Variants in SFMBT1 observed in about 807,000 individuals in gnomAD.
SFMBT1 encodes Scm like with four mbt domains 1.
A neutral mutation model predicts 108.7 loss-of-function variants in SFMBT1; 32 were observed. That is an observed-to-expected ratio of 0.29 (90% CI 0.22 to 0.40). SFMBT1 has a LOEUF of 0.40. Among genes scored for constraint, SFMBT1 ranks in the 10% least tolerant of loss-of-function variants. The pLI is 1.00. For synonymous variants in SFMBT1, 348 were observed against 369.5 expected (o/e 0.94, Z 0.67); for missense variants, 816 against 1,059.6 (o/e 0.77, Z 3.19).
rs780905490 is a variant in SFMBT1, at chr3:52,934,895, C to T, written c.371G>A (p.Arg124Lys). 4 of 1,612,478 alleles carry T rather than the reference C, an allele frequency of 2.5e-6. No homozygotes were observed. Among genetic ancestry groups the T allele is most frequent in the Non-Finnish European group, 3.4e-6 (4 of 1,179,214 alleles). ...CTCATCCCAGTCAGATACTTTATCT[C>T]TGATGCCTAGATGAGGGAATAAATG... is the stretch of plus-strand genomic sequence containing the variant. ...KKTLEAPEGI[R>K]DKVSDWDEFL... Residue 124 changes from arginine to lysine, a missense_variant, in exon 5 of 21, where the codon AGA becomes AAA. Around this residue, in one of 5 missense-constraint regions of SFMBT1, gnomAD observed 495 missense variants for 607.4 expected, o/e 0.81. Transcript: ENST00000394752.
chr3:52,931,069 T>C (rs1240426609), intron 6 of SFMBT1, 34 bp from the exon 7 acceptor site: 5 of 1,574,734 alleles, frequency 3.2e-6, no homozygotes, highest in Non-Finnish European at 4.4e-6. Flanking sequence ...CTTTAGATGA[T>C]GAGAAACTTA....
chr3:53,000,919 T>C (rs1698525600), intron 1 of SFMBT1, among the ~76,000 whole-genome samples: 1 of 149,874 alleles, frequency 6.7e-6, no homozygotes, highest in Non-Finnish European at 1.5e-5. Context: ...ATGCTTAAAA[T>C]GAAAAAAAAT....
intron 13 of SFMBT1, among the ~76,000 whole-genome samples, chr3:52,916,974 A>T (rs965575868): frequency 6.6e-6 from 1 of 151,506 alleles, no homozygotes; most frequent in African/African-American, 2.4e-5. Context: ...TATGTTATTT[A>T]AAAAAAAACA....
chr3:52,954,322 T>C lies in SFMBT1; in HGVS notation c.118A>G (p.Lys40Glu). The C allele has an allele frequency of 6.2e-7, 1 of 1,610,766 alleles. No homozygotes were observed. Among genetic ancestry groups the C allele is most frequent in the South Asian group, 1.1e-5 (1 of 90,576 alleles). Residue 40 changes from lysine (K) to glutamate (E), a missense_variant, in exon 3 of 21, where the codon AAA (lysine) becomes GAA (glutamate). By Grantham distance (56) the Lys-to-Glu change is moderately conservative. Coordinates refer to ENST00000394752, the MANE Select transcript of SFMBT1 (RefSeq NM_016329.4). ...GSTAVPYGSF[K>E]HVDTRLQNGF... ...CAAATATAGTTATTGCTTACATGTT[T>C]AAAAGACCCATAGGGAACTGCTGTG...
chr3:52,980,546 T>C (rs1704674658), intron 1 of SFMBT1, among the ~76,000 whole-genome samples: 1 of 151,414 alleles, frequency 6.6e-6, no homozygotes, highest in Admixed American at 6.6e-5. Flanking sequence ...AAAGAAGTGG[T>C]GACATTATAA....
rs542416278 is a variant in SFMBT1 at position 53,029,974 on chromosome 3, T to A, written c.-131+15842A>T. Among the ~76,000 whole-genome samples the A allele has an allele frequency of 1.6e-4, 25 of 152,272 alleles. 1 individual carries two copies. The highest frequency in any genetic ancestry group is 4.6e-4 in the African/African-American group (19 of 41,552). On this transcript the variant is annotated intron_variant, in intron 1 of 20. Coordinates refer to ENST00000394752, the MANE Select transcript of SFMBT1 (RefSeq NM_016329.4). ...AGAAAAAAAAACACTTTTAAGTGTT[T>A]AGTATTAGAAATACTAACTTAGAAA...
chr3:53,034,131 C>T (rs1396635994), intron 1 of SFMBT1, among the ~76,000 whole-genome samples: 2 of 128,848 alleles, frequency 1.6e-5, no homozygotes, highest in Non-Finnish European at 3.0e-5. Flanking sequence ...TTATCAGGTA[C>T]TTCTTTTTAA....
At chr3:53,030,368 G>C (rs1378678953) in intron 1 of SFMBT1, among the ~76,000 whole-genome samples, 1 of 151,850 alleles carries the variant, frequency 6.6e-6, no homozygotes, top group Non-Finnish European at 1.5e-5. Flanking sequence ...AAGGGACTGA[G>C]GAACTAGGGG....
intron 1 of SFMBT1, among the ~76,000 whole-genome samples, chr3:53,012,404 T>C (rs1283979134): frequency 7.0e-6 from 1 of 142,742 alleles, no homozygotes; most frequent in Non-Finnish European, 1.6e-5. Context: ...GTGAGTGCTC[T>C]TTTTTTTTTT....
intron 10 of SFMBT1, among the ~76,000 whole-genome samples, chr3:52,925,687 T>C (rs994005117): frequency 3.8e-4 from 58 of 152,350 alleles, no homozygotes; most frequent in African/African-American, 1.3e-3. Context: ...ATGTATTATT[T>C]GGATAGAAGA....
chr3:52,905,649 T>C (rs1442606593), intron 20 of SFMBT1, among the ~76,000 whole-genome samples: 1 of 152,230 alleles, frequency 6.6e-6, no homozygotes, highest in Non-Finnish European at 1.5e-5. Flanking sequence ...TTCAATGTTT[T>C]CCTACTCTGT....
chr3:52,911,352 A>G (rs534968538), intron 16 of SFMBT1, among the ~76,000 whole-genome samples, 174 bp from the exon 17 acceptor site: 3 of 152,352 alleles, frequency 2.0e-5, no homozygotes, highest in Middle Eastern at 3.4e-3. Flanking sequence ...ACTTAAATCA[A>G]ATTAAATCTG....
intron 2 of SFMBT1, among the ~76,000 whole-genome samples, chr3:52,968,600 CTTTT>C (rs5848970): frequency 2.4e-5 from 3 of 127,592 alleles, no homozygotes; most frequent in African/African-American, 2.8e-5. Flanking sequence ...AAAACAGTTT[CTTTT>C]TTTTTTTTTT....
chr3:52,912,399 T>G lies in SFMBT1; in HGVS notation c.1730+139A>C, dbSNP rs1255909277. 8.6e-6 allele frequency: 5 copies of G among 583,920 alleles called. No homozygotes were observed. In the African/African-American group the frequency reaches 9.4e-5, roughly 11 times the overall value. The allele number at this position is 583,920 out of a possible 1,614,324, so 36.2% of individuals were successfully genotyped here. On this transcript the variant is annotated intron_variant, in intron 16 of 20. Coordinates refer to ENST00000394752, the MANE Select transcript of SFMBT1 (RefSeq NM_016329.4). ...TTCATCATGTTGACCAGGCTGGTCT[T>G]GAACTCCTGACCTTGTGATCCGCCC... is the stretch of plus-strand genomic sequence containing the variant.
At position 52,923,588 on chromosome 3, in the gene SFMBT1, G is replaced by A. The variant is rs1322702333; in HGVS notation, c.1132-1757C>T. On this transcript the variant is annotated intron_variant, in intron 10 of 20. Transcript: ENST00000394752. Reference sequence around the variant, plus strand: ...AAAAAAAAAGAAAGAAAGAACAAACGAACGAACTATTCAGAGTTCCAGAAA... The same window carrying A: ...AAAAAAAAAGAAAGAAAGAACAAACAAACGAACTATTCAGAGTTCCAGAAA... Among the ~76,000 whole-genome samples, 14 of 150,816 alleles carry A rather than the reference G, an allele frequency of 9.3e-5. No homozygotes were observed. The East Asian group carries it at 2.1e-3, about 23-fold the overall frequency.
In SFMBT1 at chr3:53,028,786, G is replaced by A. The variant is rs540066499; in HGVS notation, c.-131+17030C>T. Among the ~76,000 whole-genome samples, 7 of 152,268 alleles carry A rather than the reference G, an allele frequency of 4.6e-5. 1 individual carries two copies. The South Asian group carries it at 1.5e-3, about 32-fold the overall frequency. The stretch of plus-strand genomic sequence containing the variant: ...ACGCCCAGTCTAGCACTCGTGGCTG[G>A]GAACCCTTGCAGGGAAGTGCACAAG... On this transcript the variant is annotated intron_variant, in intron 1 of 20. Transcript: ENST00000394752.
chr3:52,954,608 G>A (rs1302491207), intron 2 of SFMBT1, among the ~76,000 whole-genome samples, 197 bp from the exon 3 acceptor site: 1 of 152,064 alleles, frequency 6.6e-6, no homozygotes, highest in Non-Finnish European at 1.5e-5. Flanking sequence ...GATTGTCAAC[G>A]AATCTTCACA....
At chr3:52,930,848 G>C in intron 7 of SFMBT1, 93 bp downstream of exon 7, 1 of 958,770 alleles carries the variant, frequency 1.0e-6, no homozygotes, top group East Asian at 2.5e-5. Context: ...CATTCTTACC[G>C]ACTGCAGGGG....
At chr3:52,919,817 C>T (rs1160435672) in intron 12 of SFMBT1, among the ~76,000 whole-genome samples, 2 of 152,182 alleles carry the variant, frequency 1.3e-5, no homozygotes, top group African/African-American at 4.8e-5. Context: ...GGAGCTCAGG[C>T]CCTCAGTCCA....
Sources: gnomAD v4.1 joint callset for allele counts (sites outside exome capture counted in the v4.1 genomes callset) on GRCh38, gnomAD v4.1.1 for gene constraint, gnomAD v4.1.1 regional missense constraint, MANE v1.5 for transcripts, NCBI Gene and HGNC (gene_info 2026-07-23, HGNC 2026-07-21) for gene names.